EXOC4: variants seen among roughly 807,000 people sequenced by gnomAD.
The protein encoded by EXOC4 is exocyst complex component 4, also known as SEC8-like 1.
Under a neutral mutation model 107.2 loss-of-function variants are expected in EXOC4, and 71 were observed. The ratio of observed to expected loss-of-function variants is 0.66; its 90% CI spans 0.55 to 0.81. The LOEUF (loss-of-function observed/expected upper bound fraction) is 0.81, where lower values mean the gene tolerates loss of function less well. Ranked by LOEUF, EXOC4 falls within the 30% of genes least tolerant of loss-of-function variation. The pLI, the probability that EXOC4 is intolerant of heterozygous loss-of-function variation, is 0.00. For synonymous variants in EXOC4, 456 were observed against 441.2 expected (o/e 1.03, Z -0.42); for missense variants, 1,108 against 1,189.6 (o/e 0.93, Z 1.01).
rs968587526 is a variant in EXOC4, at chr7:133,879,729, G to T, written c.1735-15870G>T. 2.0e-5 allele frequency among the ~76,000 whole-genome samples: 3 copies of T among 152,252 alleles called. No individual in the cohort carries two copies. In the South Asian group the frequency reaches 6.2e-4, roughly 32 times the overall value. ...GGATTCTAGATTTTGAAGTATCATA[G>T]ACTATCTATATATTTAATATCTTTG... On this transcript the variant is annotated intron_variant, in intron 11 of 17. Coordinates refer to ENST00000253861, the MANE Select transcript of EXOC4 (RefSeq NM_021807.4).
At chr7:133,327,204 C>T (rs1312823062) in intron 5 of EXOC4, among the ~76,000 whole-genome samples, 3 of 151,950 alleles carry the variant, frequency 2.0e-5, no homozygotes, top group South Asian at 2.1e-4. Context: ...TGGTGGGCTG[C>T]GCACCCACTG....
rs60762484 is a variant in EXOC4 at position 134,021,722 on chromosome 7, G to GAAAA, written c.2687+13908_2687+13911dup. On this transcript the variant is annotated intron_variant, in intron 17 of 17. Coordinates refer to ENST00000253861, the MANE Select transcript of EXOC4 (RefSeq NM_021807.4). The stretch of plus-strand genomic sequence containing the variant: ...CTCAGTTGCAGATGGAGTCAAACCA[G>GAAAA]AAAAAAAAAAAAAAAAAAAAAAAAG... Among the ~76,000 whole-genome samples, 155 of 53,740 alleles carry GAAAA rather than the reference G, an allele frequency of 2.9e-3. 1 individual carries two copies. Among genetic ancestry groups the GAAAA allele is most frequent in the African/African-American group, 0.011 (136 of 11,966 alleles). 35.3% of individuals were successfully genotyped at this position (53,740 alleles called of 152,430 possible).
At chr7:133,647,330 A>G (rs1405589160) in intron 10 of EXOC4, among the ~76,000 whole-genome samples, 1 of 152,200 alleles carries the variant, frequency 6.6e-6, no homozygotes, top group African/African-American at 2.4e-5. Flanking sequence ...AAAGGTCACA[A>G]TCAACTCAAA....
At chr7:133,518,424 A>AT (rs373592330) in intron 9 of EXOC4, among the ~76,000 whole-genome samples, 2,926 of 133,602 alleles carry the variant, frequency 0.022, 98 homozygotes, top group African/African-American at 0.074. Context: ...GGCCTCTCCT[A>AT]TTTTTTTTTT....
At chr7:133,589,761 T>G (rs1801496087) in intron 9 of EXOC4, among the ~76,000 whole-genome samples, 1 of 152,194 alleles carries the variant, frequency 6.6e-6, no homozygotes, top group South Asian at 2.1e-4. Flanking sequence ...ATGGGGATGG[T>G]CTGCTGCCGT....
At chr7:134,084,333 T>A in the EXOC4 span, among the ~76,000 whole-genome samples, 2 of 152,358 alleles carry the variant, frequency 1.3e-5, no homozygotes, top group Non-Finnish European at 2.9e-5. Context: ...CTTGCCAGTG[T>A]TACAGACAGT....
rs769331521 is a variant in EXOC4 at position 133,356,457 on chromosome 7, G to A, written c.891G>A (p.Lys297=). Residue 297 remains lysine (K), a synonymous_variant, in exon 6 of 18, where the codon AAG becomes AAA. Coordinates refer to ENST00000253861, the MANE Select transcript of EXOC4 (RefSeq NM_021807.4). ...TGAAGAAGATCCCAGAAACAGTTAA[G>A]GCAATCATAGAGCGCTTGGAGCAGG... The part of the protein sequence containing the change: ...AKLKKIPETV[K]AIIERLEQEL... The A allele has an allele frequency of 6.2e-7, 1 of 1,614,136 alleles. No individual in the cohort carries two copies. Among genetic ancestry groups the A allele is most frequent in the Admixed American group, 1.7e-5 (1 of 60,004 alleles).
chr7:133,973,170 G>A (rs1032878825), intron 14 of EXOC4, among the ~76,000 whole-genome samples: 2 of 152,180 alleles, frequency 1.3e-5, no homozygotes, highest in Non-Finnish European at 2.9e-5. Context: ...CCTACAGGGA[G>A]TTTAAAAGTC....
At chr7:133,534,640 C>T (rs1191828615) in intron 9 of EXOC4, among the ~76,000 whole-genome samples, 1 of 152,128 alleles carries the variant, frequency 6.6e-6, no homozygotes, top group Non-Finnish European at 1.5e-5. Context: ...CATGTATATA[C>T]ACTCGCATAC....
intron 4 of EXOC4, among the ~76,000 whole-genome samples, chr7:133,306,910 A>T (rs983844104): frequency 3.9e-5 from 6 of 152,142 alleles, no homozygotes; most frequent in African/African-American, 1.4e-4. Context: ...AGGTTAGTAG[A>T]GGCCTGGTAG....
chr7:133,713,667 G>C (rs1012719888), intron 10 of EXOC4, among the ~76,000 whole-genome samples: 1 of 152,198 alleles, frequency 6.6e-6, no homozygotes, highest in East Asian at 1.9e-4. Flanking sequence ...TGAATCATGG[G>C]GGGTGGTTTC....
chr7:133,590,406 C>T (rs115372735), intron 9 of EXOC4, among the ~76,000 whole-genome samples: 47 of 152,150 alleles, frequency 3.1e-4, no homozygotes, highest in African/African-American at 1.1e-3. Flanking sequence ...GGGTAGAAAA[C>T]GGCAGGGTCC....
rs181022921 is a variant in EXOC4, at chr7:133,749,624, C to T, written c.1515-67701C>T. Among the ~76,000 whole-genome samples, 336 of 152,226 alleles carry T rather than the reference C, an allele frequency of 2.2e-3. 2 individuals carry two copies. Among genetic ancestry groups the T allele is most frequent in the Admixed American group, 0.01 (155 of 15,290 alleles). ...GGCCAGGCTGGTCTTCAACTCCTGACCTCAGGTGATCCACCCACTTTGGCC... is the reference window on the plus strand; with the variant it reads ...GGCCAGGCTGGTCTTCAACTCCTGATCTCAGGTGATCCACCCACTTTGGCC... On this transcript the variant is annotated intron_variant, in intron 10 of 17. Transcript: ENST00000253861.
At chr7:133,479,645 T>C (rs1799106066) in intron 8 of EXOC4, 1 of 194,760 alleles carries the variant, frequency 5.1e-6, no homozygotes, top group African/African-American at 2.3e-5. Context: ...AGTGTGTCTG[T>C]GTTGGTAGCT....
At chr7:133,719,294 C>G (rs1795058505) in intron 10 of EXOC4, among the ~76,000 whole-genome samples, 1 of 152,094 alleles carries the variant, frequency 6.6e-6, no homozygotes, top group African/African-American at 2.4e-5. Context: ...GTCCATTAAG[C>G]CTCTTTTGTA....
At chr7:133,789,654 G>T (rs937879711) in intron 10 of EXOC4, among the ~76,000 whole-genome samples, 3 of 152,180 alleles carry the variant, frequency 2.0e-5, no homozygotes, top group African/African-American at 7.2e-5. Context: ...TGGTTATAAG[G>T]TTGTGTTACT....
In EXOC4 at chr7:133,900,593, A is replaced by G. The variant is rs1799429238; in HGVS notation, c.1871+4858A>G. On this transcript the variant is annotated intron_variant, in intron 12 of 17. Coordinates refer to ENST00000253861, the MANE Select transcript of EXOC4 (RefSeq NM_021807.4). ...ACGTGCACACCTGTGCTTTAGGGAAATTTTTCTGAGTTTTGTGTAAGATGG... is the reference window on the plus strand; with the variant it reads ...ACGTGCACACCTGTGCTTTAGGGAAGTTTTTCTGAGTTTTGTGTAAGATGG... Among the ~76,000 whole-genome samples, 15 of 152,056 alleles carry G rather than the reference A, an allele frequency of 9.9e-5. No homozygotes were observed. In the South Asian group the frequency reaches 3.1e-3, roughly 32 times the overall value.
intron 14 of EXOC4, among the ~76,000 whole-genome samples, chr7:133,965,278 T>C (rs767485289): frequency 6.6e-6 from 1 of 152,238 alleles, no homozygotes; most frequent in Non-Finnish European, 1.5e-5. Context: ...ATTCTGTAGG[T>C]TGCCTGTTCA....
intron 5 of EXOC4, among the ~76,000 whole-genome samples, chr7:133,331,605 A>G (rs977795370): frequency 1.3e-5 from 2 of 151,590 alleles, no homozygotes; most frequent in African/African-American, 4.8e-5. Flanking sequence ...AGCTGGGACT[A>G]CAGGCGCCCG....
Sources: gnomAD v4.1 joint callset for allele counts (sites outside exome capture counted in the v4.1 genomes callset) on GRCh38, gnomAD v4.1.1 for gene constraint, MANE v1.5 for transcripts, NCBI Gene and HGNC (gene_info 2026-07-23, HGNC 2026-07-21) for gene names.